Variants in IFT56 observed in about 807,000 individuals in gnomAD.
IFT56 encodes the protein intraflagellar transport protein 56.
chr7:139,157,621 A>C, the IFT56 span, among the ~76,000 whole-genome samples: 4 of 149,180 alleles, frequency 2.7e-5, no homozygotes, highest in African/African-American at 9.9e-5. Flanking sequence ...TTTGTGCCTC[A>C]GCCTCCCAAG....
chr7:139,143,970 C>T, the IFT56 span, among the ~76,000 whole-genome samples: 1 of 152,136 alleles, frequency 6.6e-6, no homozygotes, highest in Non-Finnish European at 1.5e-5. Flanking sequence ...CTCATTTACT[C>T]TCCATCTTAT....
the IFT56 span, chr7:139,137,926 A>G: frequency 1.9e-6 from 3 of 1,612,756 alleles, no homozygotes; most frequent in South Asian, 3.3e-5. Context: ...GGTGACTACA[A>G]GAGAGCTCTG....
chr7:139,183,151 A>T, the IFT56 span, among the ~76,000 whole-genome samples: 2 of 152,052 alleles, frequency 1.3e-5, no homozygotes, highest in Non-Finnish European at 2.9e-5. Flanking sequence ...ATTCAGGAGG[A>T]TGGGGCATTT....
chr7:139,165,481 T>A, the IFT56 span, among the ~76,000 whole-genome samples: 9 of 152,170 alleles, frequency 5.9e-5, no homozygotes, highest in Non-Finnish European at 2.9e-5. Context: ...CTATCCTTTA[T>A]TCTCTATCCA....
chr7:139,186,676 A>T, the IFT56 span, among the ~76,000 whole-genome samples: 1 of 152,208 alleles, frequency 6.6e-6, no homozygotes, highest in East Asian at 1.9e-4. Flanking sequence ...TGATCAAATT[A>T]GCATAAAATG....
chr7:139,137,856 C>A, the IFT56 span: 1 of 1,612,820 alleles, frequency 6.2e-7, no homozygotes, highest in South Asian at 1.1e-5. Flanking sequence ...GTTCAAACGT[C>A]ATGTTGGGGA....
the IFT56 span, chr7:139,168,619 T>C: frequency 2.7e-5 from 13 of 489,028 alleles, no homozygotes; most frequent in Non-Finnish European, 3.0e-5. Context: ...CTCCTGCTTG[T>C]TTAAAAGGGT....
At chr7:139,154,110 C>T in the IFT56 span, among the ~76,000 whole-genome samples, 5 of 152,092 alleles carry the variant, frequency 3.3e-5, no homozygotes, top group Non-Finnish European at 7.4e-5. Context: ...GTTTCATGTG[C>T]TTGTTGGCCA....
the IFT56 span, among the ~76,000 whole-genome samples, chr7:139,180,194 G>C: frequency 6.6e-6 from 1 of 152,054 alleles, no homozygotes; most frequent in Non-Finnish European, 1.5e-5. Context: ...AAAATTAGCC[G>C]GGCGCGGTGG....
At chr7:139,134,775 G>A in the IFT56 span, 25 of 1,613,632 alleles carry the variant, frequency 1.5e-5, no homozygotes, top group Non-Finnish European at 2.1e-5. Flanking sequence ...TTTCACTGGA[G>A]CTATTACCCT....
the IFT56 span, among the ~76,000 whole-genome samples, chr7:139,172,238 A>C: frequency 6.6e-6 from 1 of 152,220 alleles, no homozygotes; most frequent in African/African-American, 2.4e-5. Flanking sequence ...TGCTTCCACG[A>C]ACATTTCACT....
the IFT56 span, among the ~76,000 whole-genome samples, chr7:139,137,223 G>C: frequency 6.6e-6 from 1 of 152,144 alleles, no homozygotes. Flanking sequence ...TTCTTTTGTT[G>C]GCTGAGGAAT....
chr7:139,187,463 A>T, the IFT56 span: 2 of 1,614,184 alleles, frequency 1.2e-6, no homozygotes, highest in Non-Finnish European at 8.5e-7. Context: ...GCTGGATCCT[A>T]ACCCTGAATA....
At chr7:139,143,842 T>C in the IFT56 span, among the ~76,000 whole-genome samples, 18 of 152,226 alleles carry the variant, frequency 1.2e-4, no homozygotes, top group East Asian at 3.5e-3. Flanking sequence ...GTTATGTACA[T>C]TGGGAATATT....
the IFT56 span, among the ~76,000 whole-genome samples, chr7:139,184,262 C>T: frequency 6.6e-6 from 1 of 152,144 alleles, no homozygotes; most frequent in Admixed American, 6.6e-5. Flanking sequence ...TGTAAGAAAA[C>T]GTTTCATATC....
At chr7:139,151,487 GGAATCAGATAGACCCAAATTTCAA>G in the IFT56 span, among the ~76,000 whole-genome samples, 40 of 152,144 alleles carry the variant, frequency 2.6e-4, no homozygotes, top group Non-Finnish European at 4.7e-4. Context: ...GTTTGGGCTT[GGAATCAGATAGACCCAAATTTCAA>G]CCCTGGCATA....
the IFT56 span, chr7:139,165,250 C>A: frequency 6.4e-7 from 1 of 1,573,186 alleles, no homozygotes; most frequent in Non-Finnish European, 8.7e-7. Context: ...AAAAATTTGT[C>A]CTGGTCTTAC....
At chr7:139,173,053 A>G in the IFT56 span, 13 of 734,864 alleles carry the variant, frequency 1.8e-5, no homozygotes, top group South Asian at 1.3e-4. Context: ...CAATGCTTCC[A>G]ACTCAGCTTT....
chr7:139,158,449 T>C, the IFT56 span, among the ~76,000 whole-genome samples: 2 of 152,218 alleles, frequency 1.3e-5, no homozygotes, highest in African/African-American at 2.4e-5. Context: ...TGTAGATTTT[T>C]AAAGATATCC....
Sources: gnomAD v4.1 joint callset for allele counts (sites outside exome capture counted in the v4.1 genomes callset) on GRCh38, gnomAD v4.1.1 for gene constraint, MANE v1.5 for transcripts, NCBI Gene and HGNC (gene_info 2026-07-23, HGNC 2026-07-21) for gene names.